The following DPYD variants were observed in gnomAD, a reference collection of about 807,000 sequenced individuals.
DPYD encodes the protein dihydropyrimidine dehydrogenase.
In DPYD, 109 loss-of-function variants were observed where a neutral mutation model predicts 116.2. The observed-to-expected ratio is 0.94, with a 90% CI of 0.80 to 1.10. The LOEUF is 1.10. Ranked by LOEUF, DPYD falls within the 50% of genes least tolerant of loss-of-function variation. The pLI, the probability that DPYD is intolerant of heterozygous loss-of-function variation, is 0.00. For synonymous variants in DPYD, 440 were observed against 432.0 expected, an observed-to-expected ratio of 1.02 and a Z score of -0.23; for missense variants, 1,302 against 1,254.5, an observed-to-expected ratio of 1.04 and a Z score of -0.57.
chr1:97,397,161 T>C (rs1034805980), intron 14 of DPYD, among the ~76,000 whole-genome samples: 3 of 152,024 alleles, frequency 2.0e-5, no homozygotes, highest in Non-Finnish European at 4.4e-5. Flanking sequence ...TTCATCCCTA[T>C]GAAGATTGTA....
At position 97,883,343 on chromosome 1, in the gene DPYD, G is replaced by A; in HGVS notation, c.71C>T (p.Thr24Ile). The change falls in exon 2 of 23, where the codon ACT becomes ATT. Residue 24 changes from threonine to isoleucine, a missense_variant. Thr to Ile is a moderately conservative substitution (Grantham distance 89). Coordinates refer to ENST00000370192, the MANE Select transcript of DPYD (RefSeq NM_000110.4). Reference sequence around the variant, plus strand: ...CGAAGTGGAACACAGAGTTGCATGAGTTTGTGTTCGAGGATTTAAAGCCAG... The same window carrying A: ...CGAAGTGGAACACAGAGTTGCATGAATTTGTGTTCGAGGATTTAAAGCCAG... Reference protein sequence around the residue: ...SILALNPRTQTHATLCSTSAK... With the variant: ...SILALNPRTQIHATLCSTSAK... The A allele has an allele frequency of 3.1e-6, 5 of 1,612,382 alleles. No individual in the cohort carries two copies. The highest frequency in any genetic ancestry group is 4.2e-6 in the Non-Finnish European group (5 of 1,178,758).
chr1:97,487,661 C>A (rs557784193), intron 13 of DPYD, among the ~76,000 whole-genome samples: 4 of 151,652 alleles, frequency 2.6e-5, no homozygotes, highest in African/African-American at 4.8e-5. Flanking sequence ...CGACAGAGCG[C>A]GACTCTGTCT....
chr1:97,425,749 C>T (rs1674832874), intron 14 of DPYD, among the ~76,000 whole-genome samples: 1 of 151,974 alleles, frequency 6.6e-6, no homozygotes, highest in Non-Finnish European at 1.5e-5. Flanking sequence ...TGGTCAATTC[C>T]CCTGCATAGG....
At chr1:97,279,471 T>C (rs919329808) in intron 18 of DPYD, among the ~76,000 whole-genome samples, 1 of 151,950 alleles carries the variant, frequency 6.6e-6, no homozygotes, top group Non-Finnish European at 1.5e-5. Flanking sequence ...ATCAGGTTTC[T>C]AGTGGTCCAC....
intron 2 of DPYD, among the ~76,000 whole-genome samples, chr1:97,879,161 A>G (rs1672057282): frequency 6.6e-6 from 1 of 151,942 alleles, no homozygotes; most frequent in South Asian, 2.1e-4. Context: ...TCATCTATGA[A>G]TGGATGATAA....
intron 2 of DPYD, among the ~76,000 whole-genome samples, chr1:97,839,212 C>G (rs146774573): frequency 6.6e-6 from 1 of 152,114 alleles, no homozygotes; most frequent in African/African-American, 2.4e-5. Context: ...TTGAAAATTA[C>G]GCATATTGTA....
At chr1:97,468,667 T>C (rs1469306616) in intron 13 of DPYD, among the ~76,000 whole-genome samples, 2 of 152,154 alleles carry the variant, frequency 1.3e-5, no homozygotes, top group Non-Finnish European at 2.9e-5. Context: ...CATTCTTAAC[T>C]CATAGGCAGT....
intron 18 of DPYD, among the ~76,000 whole-genome samples, chr1:97,251,546 T>G (rs1274405259): frequency 6.6e-6 from 1 of 152,144 alleles, no homozygotes. Flanking sequence ...GAGCAATTTT[T>G]ATGGTGGTGT....
intron 14 of DPYD, among the ~76,000 whole-genome samples, chr1:97,416,025 T>TA (rs1557697157): frequency 6.6e-6 from 1 of 152,134 alleles, no homozygotes. Flanking sequence ...ATACCTGTCT[T>TA]ACAATAAAAA....
At chr1:97,626,468 T>C (rs1046420686) in intron 8 of DPYD, among the ~76,000 whole-genome samples, 7 of 151,842 alleles carry the variant, frequency 4.6e-5, no homozygotes, top group Non-Finnish European at 1.0e-4. Context: ...AACAACAACA[T>C]AAAAAAACAT....
At chr1:97,752,302 A>G (rs1664976149) in intron 3 of DPYD, among the ~76,000 whole-genome samples, 1 of 151,092 alleles carries the variant, frequency 6.6e-6, no homozygotes, top group African/African-American at 2.4e-5. Context: ...ACACACACAC[A>G]CACACACACA....
At chr1:97,399,732 T>A (rs1163233790) in intron 14 of DPYD, among the ~76,000 whole-genome samples, 1 of 152,076 alleles carries the variant, frequency 6.6e-6, no homozygotes, top group African/African-American at 2.4e-5. Flanking sequence ...AGTTCACTCA[T>A]GATTTGGCTC....
At chr1:97,206,403 A>G (rs182073307) in intron 19 of DPYD, among the ~76,000 whole-genome samples, 1 of 151,806 alleles carries the variant, frequency 6.6e-6, no homozygotes, top group Non-Finnish European at 1.5e-5. Context: ...ATTGAAACTC[A>G]CAATAGCACC....
chr1:97,679,758 T>G (rs181967042), intron 7 of DPYD, among the ~76,000 whole-genome samples: 1 of 152,166 alleles, frequency 6.6e-6, no homozygotes, highest in East Asian at 1.9e-4. Context: ...TCACCCCTAG[T>G]AAAAGTCACA....
chr1:97,322,449 A>C lies in DPYD; in HGVS notation c.2059-16152T>G, dbSNP rs201405916. On this transcript the variant is annotated intron_variant, in intron 16 of 22. Transcript: ENST00000370192. ...AAGGAAATAATAATACTAAGGAAAT[A>C]CTAAAGTGGGTGACTTTGGTAGAAG... Among the ~76,000 whole-genome samples, 3 of 152,024 alleles carry C rather than the reference A, an allele frequency of 2.0e-5. No individual in the cohort carries two copies. In the East Asian group the frequency reaches 5.8e-4, roughly 30 times the overall value.
chr1:97,682,565 G>A (rs1436097870), intron 7 of DPYD, among the ~76,000 whole-genome samples: 1 of 152,072 alleles, frequency 6.6e-6, no homozygotes, highest in Non-Finnish European at 1.5e-5. Flanking sequence ...CTTACATTAT[G>A]CTTTGGGAAA....
chr1:97,731,465 T>A (rs1343202261), intron 4 of DPYD, among the ~76,000 whole-genome samples: 1 of 152,090 alleles, frequency 6.6e-6, no homozygotes, highest in African/African-American at 2.4e-5. Context: ...TACATTATAC[T>A]TTTTACTCAA....
intron 13 of DPYD, among the ~76,000 whole-genome samples, chr1:97,488,116 C>A: frequency 6.6e-6 from 1 of 151,498 alleles, no homozygotes. Flanking sequence ...TAGCTATTGA[C>A]ATAGGCAAAA....
At chr1:97,463,769 A>G (rs920554286) in intron 13 of DPYD, among the ~76,000 whole-genome samples, 3 of 152,196 alleles carry the variant, frequency 2.0e-5, no homozygotes, top group African/African-American at 7.2e-5. Context: ...GTTTTAGCAA[A>G]GAGACTGGCA....
Sources: allele counts gnomAD v4.1 joint callset (sites outside exome capture counted in the v4.1 genomes callset), GRCh38; gene constraint gnomAD v4.1.1; transcripts MANE v1.5; gene names NCBI Gene and HGNC (gene_info 2026-07-23, HGNC 2026-07-21).